Variants in ITGAV observed in about 807,000 individuals in gnomAD.
ITGAV encodes the protein integrin subunit alpha V.
A neutral mutation model predicts 143.8 loss-of-function variants in ITGAV; 76 were observed. The ratio of observed to expected loss-of-function variants is 0.53; its 90% CI spans 0.44 to 0.64. The LOEUF is 0.64. Ranked by LOEUF, ITGAV falls within the 30% of genes least tolerant of loss-of-function variation. ITGAV has a pLI of 0.00. For missense variants in ITGAV, 1,193 were observed against 1,274.7 expected, an observed-to-expected ratio of 0.94 and a Z score of 0.98; for synonymous variants, 453 against 446.7, an observed-to-expected ratio of 1.01 and a Z score of -0.18.
chr2:186,649,782 G>C, intron 13 of ITGAV, 58 bp from the exon 14 acceptor site: 1 of 1,129,796 alleles, frequency 8.9e-7, no homozygotes. Context: ...TTATAGAATG[G>C]TATATACATT....
chr2:186,672,020 C>T (rs1258290936), intron 26 of ITGAV, among the ~76,000 whole-genome samples: 3 of 148,118 alleles, frequency 2.0e-5, no homozygotes, highest in African/African-American at 5.0e-5. Context: ...GGCGAAATCT[C>T]GGATCACTGC....
chr2:186,630,813 T>C lies in ITGAV; in HGVS notation c.540T>C (p.Asp180=), dbSNP rs1338381056. Residue 180 remains aspartate, a synonymous_variant, in exon 5 of 30, where the codon GAT becomes GAC. Coordinates refer to ENST00000261023, the MANE Select transcript of ITGAV (RefSeq NM_002210.5). Reference sequence around the variant, plus strand: ...TTATTTTAGAAGATATTGATGCTGATGGACAGGGATTTTGTCAAGGAGGAT... The same window carrying C: ...TTATTTTAGAAGATATTGATGCTGACGGACAGGGATTTTGTCAAGGAGGAT... ...APCRSQDIDA[D]GQGFCQGGFS... 3 of 1,583,652 alleles carry C rather than the reference T, an allele frequency of 1.9e-6. No homozygotes were observed. Among genetic ancestry groups the C allele is most frequent in the South Asian group, 2.2e-5 (2 of 89,690 alleles).
chr2:186,600,380 T>C (rs1382972662), intron 1 of ITGAV: 1 of 1,535,148 alleles, frequency 6.5e-7, no homozygotes, highest in Admixed American at 2.0e-5. Flanking sequence ...CTTAATGTTG[T>C]GGTGAGTTCC....
At chr2:186,607,649 T>G (rs996214918) in intron 2 of ITGAV, among the ~76,000 whole-genome samples, 2 of 152,284 alleles carry the variant, frequency 1.3e-5, no homozygotes, top group East Asian at 3.9e-4. Context: ...TATAGCATAA[T>G]GGGAACTAAA....
intron 5 of ITGAV, among the ~76,000 whole-genome samples, chr2:186,631,393 A>C (rs989536336): frequency 6.6e-6 from 1 of 152,194 alleles, no homozygotes; most frequent in Non-Finnish European, 1.5e-5. Context: ...CTAAATTAAT[A>C]TTCTCTTCAG....
chr2:186,649,117 C>T (rs1688352957), intron 13 of ITGAV, among the ~76,000 whole-genome samples: 1 of 148,732 alleles, frequency 6.7e-6, no homozygotes, highest in Admixed American at 6.7e-5. Context: ...TTGTATTTTG[C>T]TTTTCTTTCA....
At chr2:186,652,409 C>T (rs779144911) in intron 15 of ITGAV, among the ~76,000 whole-genome samples, 3 of 152,008 alleles carry the variant, frequency 2.0e-5, no homozygotes, top group Non-Finnish European at 4.4e-5. Context: ...AGGTTGGTCT[C>T]GAAGACCGCT....
At chr2:186,672,793 G>T (rs1440812526) in intron 26 of ITGAV, among the ~76,000 whole-genome samples, 1 of 152,136 alleles carries the variant, frequency 6.6e-6, no homozygotes, top group Non-Finnish European at 1.5e-5. Flanking sequence ...GAGTTGCAAA[G>T]AGTTATTTAT....
At position 186,641,460 on chromosome 2, in the gene ITGAV, A is replaced by T. The variant is rs751195662; in HGVS notation, c.1031A>T (p.Gln344Leu). ...GSDGKLQEVG[Q>L]VSVSLQRASG... ...GATGGCAAACTCCAAGAGGTGGGGC[A>T]GGTCTCAGTGTCTCTACAGAGAGCT... The change falls in exon 12 of 30, where the codon CAG (glutamine) becomes CTG (leucine). Residue 344 changes from glutamine to leucine, a missense_variant. Coordinates refer to ENST00000261023, the MANE Select transcript of ITGAV (RefSeq NM_002210.5). 3 of 1,614,154 alleles carry T rather than the reference A, an allele frequency of 1.9e-6. No individual in the cohort carries two copies. In the South Asian group the frequency reaches 3.3e-5, roughly 18 times the overall value.
intron 2 of ITGAV, among the ~76,000 whole-genome samples, chr2:186,606,354 G>T (rs1418571692): frequency 6.6e-6 from 1 of 152,160 alleles, no homozygotes; most frequent in Non-Finnish European, 1.5e-5. Flanking sequence ...GACGTTGCAC[G>T]GGTTACTGTT....
At chr2:186,630,001 A>G (rs1023284751) in intron 4 of ITGAV, among the ~76,000 whole-genome samples, 5 of 152,130 alleles carry the variant, frequency 3.3e-5, no homozygotes, top group African/African-American at 1.2e-4. Flanking sequence ...AAAGAGTACA[A>G]CTATTGAGCC....
intron 2 of ITGAV, among the ~76,000 whole-genome samples, chr2:186,615,473 G>A (rs146492209): frequency 6.6e-6 from 1 of 151,954 alleles, no homozygotes. Context: ...CTCATATTCT[G>A]TCTTTTTTAT....
Position 186,656,338 on chromosome 2 carries a change from C to G in ITGAV, c.1656C>G (p.Ser552=), listed in dbSNP as rs1384065429. The change falls in exon 17 of 30, where the codon TCC becomes TCG. Residue 552 remains serine, a synonymous_variant. Coordinates refer to ENST00000261023, the MANE Select transcript of ITGAV (RefSeq NM_002210.5). ...TCTACAGCAGGTCCCCAAGTCACTC[C>G]AAGAACATGACTATTTCAAGGGGGG... The part of the protein sequence containing the change: ...LFLYSRSPSH[S]KNMTISRGGL... The G allele has an allele frequency of 1.9e-6, 3 of 1,569,264 alleles. No individual in the cohort carries two copies. Among genetic ancestry groups the G allele is most frequent in the Non-Finnish European group, 2.6e-6 (3 of 1,162,726 alleles).
intron 14 of ITGAV, among the ~76,000 whole-genome samples, chr2:186,651,666 C>T (rs768075827): frequency 1.2e-4 from 18 of 152,120 alleles, no homozygotes; most frequent in African/African-American, 2.4e-4. Context: ...GCAGCGAATT[C>T]GGTAGATATC....
rs1225324056 is a variant in ITGAV at position 186,646,673 on chromosome 2, T to G, written c.1160-13T>G. On this transcript the variant is annotated splice_polypyrimidine_tract_variant and intron_variant, in intron 12 of 29. Coordinates refer to ENST00000261023, the MANE Select transcript of ITGAV (RefSeq NM_002210.5). The stretch of plus-strand genomic sequence containing the variant: ...TGTCATTCTCCTTCCCCCTCCTCTT[T>G]TTTTCCCCACAGATATTGCAATTGC... 6 of 1,555,244 alleles carry G rather than the reference T, an allele frequency of 3.9e-6. No individual in the cohort carries two copies. In the East Asian group the frequency reaches 1.4e-4, roughly 36 times the overall value.
chr2:186,667,990 T>C (rs1688947005), intron 24 of ITGAV: 2 of 276,784 alleles, frequency 7.2e-6, no homozygotes, highest in Non-Finnish European at 1.3e-5. Flanking sequence ...TTATATAATT[T>C]GTTGTTTAAA....
Position 186,637,082 on chromosome 2 carries a change from G to A in ITGAV, c.775G>A (p.Gly259Arg), listed in dbSNP as rs1273377739. ...CTGTTTAGGTTATTCTGTGGCTGTC[G>A]GAGATTTCAATGGTGATGGCATAGA... ...DSYLGYSVAVGDFNGDGIDDF... is the reference protein window; with the variant it reads ...DSYLGYSVAVRDFNGDGIDDF... The change falls in exon 8 of 30, where the codon GGA becomes AGA. Residue 259 changes from glycine to arginine, a missense_variant. Coordinates refer to ENST00000261023, the MANE Select transcript of ITGAV (RefSeq NM_002210.5). 2.5e-6 allele frequency: 4 copies of A among 1,613,358 alleles called. No individual in the cohort carries two copies. The highest frequency in any genetic ancestry group is 2.5e-6 in the Non-Finnish European group (3 of 1,179,430).
chr2:186,653,481 A>C (rs1688500670), intron 15 of ITGAV, among the ~76,000 whole-genome samples: 1 of 152,210 alleles, frequency 6.6e-6, no homozygotes, highest in South Asian at 2.1e-4. Context: ...GTTTTACTTC[A>C]AAAGAGCCAA....
At chr2:186,654,629 A>G (rs753546630) in intron 15 of ITGAV, 21 bp from the exon 16 acceptor site, 2 of 1,291,814 alleles carry the variant, frequency 1.5e-6, no homozygotes, top group East Asian at 2.3e-5. Flanking sequence ...GAATTTATGT[A>G]TGTTTTTTAT....
Sources: allele counts gnomAD v4.1 joint callset (sites outside exome capture counted in the v4.1 genomes callset), GRCh38; gene constraint gnomAD v4.1.1; transcripts MANE v1.5; gene names NCBI Gene and HGNC (gene_info 2026-07-23, HGNC 2026-07-21).